The following TMEM39A variants were observed in gnomAD, a reference collection of about 807,000 sequenced individuals.
The protein encoded by TMEM39A is suppressor of SQST-1 aggregates in rpl-43 mutants.
A neutral mutation model predicts 51.9 loss-of-function variants in TMEM39A; 19 were observed. The ratio of observed to expected loss-of-function variants is 0.37; its 90% CI spans 0.26 to 0.54. The LOEUF (loss-of-function observed/expected upper bound fraction) is 0.54, where lower values mean the gene tolerates loss of function less well. TMEM39A is among the 20% of genes least tolerant of loss of function. The probability of loss-of-function intolerance (pLI) is 0.88; values close to 1 mark genes in which losing one functional copy is unlikely to be tolerated. For synonymous variants in TMEM39A, 197 were observed against 220.2 expected, an observed-to-expected ratio of 0.89 and a Z score of 0.93; for missense variants, 433 against 590.5, an observed-to-expected ratio of 0.73 and a Z score of 2.76.
intron 2 of TMEM39A, 53 bp downstream of exon 2, chr3:119,461,909 G>T: frequency 7.3e-7 from 1 of 1,361,072 alleles, no homozygotes; most frequent in Non-Finnish European, 1.0e-6. Flanking sequence ...TTTTATGTTA[G>T]TCTTACTGAT....
chr3:119,444,611 C>T (rs188681364), intron 5 of TMEM39A, among the ~76,000 whole-genome samples: 65 of 152,284 alleles, frequency 4.3e-4, no homozygotes, highest in African/African-American at 8.7e-4. Context: ...CATAAATTCA[C>T]GCTAACACTT....
In TMEM39A at chr3:119,436,961, G is replaced by A. The variant is rs1433369396; in HGVS notation, c.942C>T (p.Asp314=). 6 of 1,613,406 alleles carry A rather than the reference G, an allele frequency of 3.7e-6. No individual in the cohort carries two copies. In the Admixed American group the frequency reaches 5.0e-5, roughly 13 times the overall value. ...TGAGGTGCTCACATGACCAGCGCAT[G>A]TCATAGTACTGGGTACTCTGGAAGA... The part of the protein sequence containing the change: ...LCFVKSTQYY[D]MRWSCEHLIM... The change falls in exon 7 of 9, where the codon GAC becomes GAT. Residue 314 remains aspartate, a synonymous_variant. Coordinates refer to ENST00000319172, the MANE Select transcript of TMEM39A (RefSeq NM_018266.3).
At chr3:119,452,350 G>T in intron 4 of TMEM39A, 97 bp downstream of exon 4, 1 of 806,516 alleles carries the variant, frequency 1.2e-6, no homozygotes, top group Admixed American at 2.5e-5. Flanking sequence ...GTAATTTATT[G>T]TTTCATTAAA....
At chr3:119,447,209 A>T in intron 4 of TMEM39A, 37 bp from the exon 5 acceptor site, 1 of 1,595,526 alleles carries the variant, frequency 6.3e-7, no homozygotes, top group Non-Finnish European at 8.6e-7. Flanking sequence ...ACATTTTGTA[A>T]ATGATCTTCT....
At chr3:119,440,405 G>C (rs936945121) in intron 5 of TMEM39A, among the ~76,000 whole-genome samples, 1 of 152,130 alleles carries the variant, frequency 6.6e-6, no homozygotes, top group East Asian at 1.9e-4. Flanking sequence ...ATTTCCCATT[G>C]TGAAAATCAT....
chr3:119,461,846 C>A, intron 2 of TMEM39A, 116 bp downstream of exon 2: 1 of 819,218 alleles, frequency 1.2e-6, no homozygotes, highest in South Asian at 2.3e-5. Context: ...AGGATTTCTA[C>A]CACAGTGTCA....
At chr3:119,454,306 C>A (rs1166941151) in intron 3 of TMEM39A, among the ~76,000 whole-genome samples, 1 of 152,100 alleles carries the variant, frequency 6.6e-6, no homozygotes, top group East Asian at 1.9e-4. Flanking sequence ...GAGTGGCTTG[C>A]CACTCCTTAG....
rs1456240680 is a variant in TMEM39A at position 119,430,593 on chromosome 3, G to A, written c.*1388C>T. The A allele has an allele frequency of 6.6e-6, 1 of 151,912 alleles. No individual in the cohort carries two copies. Among genetic ancestry groups the A allele is most frequent in the Non-Finnish European group, 1.5e-5 (1 of 67,966 alleles). 9.4% of individuals were successfully genotyped at this position (151,912 alleles called of 1,614,324 possible). On this transcript the variant is annotated 3_prime_UTR_variant, in exon 9 of 9. Coordinates refer to ENST00000319172, the MANE Select transcript of TMEM39A (RefSeq NM_018266.3). ...ATGGTTGAACAGACTCAGACTGAAT[G>A]CCAAATAATGTTAACTTAAAAAAAA...
intron 2 of TMEM39A, among the ~76,000 whole-genome samples, chr3:119,461,066 A>T (rs1447199730): frequency 6.6e-6 from 1 of 152,198 alleles, no homozygotes; most frequent in African/African-American, 2.4e-5. Context: ...TGCAAACAGT[A>T]CCATCATTTT....
At chr3:119,453,761 T>C (rs1278381343) in intron 3 of TMEM39A, among the ~76,000 whole-genome samples, 2 of 152,244 alleles carry the variant, frequency 1.3e-5, no homozygotes, top group Non-Finnish European at 2.9e-5. Context: ...GGAAATAAGT[T>C]TCTATTTTGT....
chr3:119,458,740 C>T (rs553556575), intron 2 of TMEM39A, among the ~76,000 whole-genome samples: 1 of 152,112 alleles, frequency 6.6e-6, no homozygotes, highest in Non-Finnish European at 1.5e-5. Context: ...ACTAAAAATA[C>T]AAAAATTAGC....
intron 5 of TMEM39A, 63 bp from the exon 6 acceptor site, chr3:119,438,166 C>T (rs997300994): frequency 1.1e-5 from 14 of 1,294,944 alleles, no homozygotes; most frequent in Admixed American, 4.5e-5. Context: ...TTATAACTTA[C>T]GTCAATATAA....
chr3:119,462,006 A>C lies in TMEM39A; in HGVS notation c.69T>G (p.Thr23=). The part of the protein sequence containing the change: ...LSRSALPSLQ[T]LVGGGCGNGT... ...CATTGCCACAGCCTCCACCAACCAA[A>C]GTCTGCAAAGAAGGTAAAGCTGAAC... The change falls in exon 2 of 9, where the codon ACT becomes ACG. Residue 23 remains threonine (T), a synonymous_variant. Coordinates refer to ENST00000319172, the MANE Select transcript of TMEM39A (RefSeq NM_018266.3). The C allele has an allele frequency of 6.2e-7, 1 of 1,614,136 alleles. No individual in the cohort carries two copies. The highest frequency in any genetic ancestry group is 2.2e-5 in the East Asian group (1 of 44,882).
chr3:119,445,289 T>C (rs1029053494), intron 5 of TMEM39A, among the ~76,000 whole-genome samples: 2 of 152,200 alleles, frequency 1.3e-5, no homozygotes, highest in African/African-American at 4.8e-5. Flanking sequence ...AGACAGAGTC[T>C]TGCTCGTCGC....
At chr3:119,447,312 TC>T in intron 4 of TMEM39A, 140 bp from the exon 5 acceptor site, 1 of 755,362 alleles carries the variant, frequency 1.3e-6, no homozygotes, top group Non-Finnish European at 2.0e-6. Flanking sequence ...AACTGCCCCA[TC>T]CCACCTTATC....
At chr3:119,444,971 T>C (rs1460034435) in intron 5 of TMEM39A, among the ~76,000 whole-genome samples, 1 of 152,110 alleles carries the variant, frequency 6.6e-6, no homozygotes, top group Non-Finnish European at 1.5e-5. Flanking sequence ...TCCCAACTAC[T>C]TGGGAGGCTG....
intron 7 of TMEM39A, 98 bp from the exon 8 acceptor site, chr3:119,434,980 T>C (rs1478934188): frequency 2.7e-6 from 4 of 1,486,140 alleles, no homozygotes; most frequent in Non-Finnish European, 3.6e-6. Context: ...AATTAAATAA[T>C]CAAGGCTTCA....
intron 2 of TMEM39A, among the ~76,000 whole-genome samples, chr3:119,459,682 T>C (rs575943261): frequency 3.9e-5 from 6 of 152,310 alleles, no homozygotes; most frequent in East Asian, 3.9e-4. Flanking sequence ...AATTTCAACC[T>C]TGACTGTGTT....
chr3:119,445,457 G>C (rs575817014), intron 5 of TMEM39A, among the ~76,000 whole-genome samples: 3 of 152,312 alleles, frequency 2.0e-5, no homozygotes, highest in South Asian at 4.1e-4. Context: ...TAGAGACGGG[G>C]TTTCGCCATG....
Sources: gnomAD v4.1 joint callset for allele counts (sites outside exome capture counted in the v4.1 genomes callset) on GRCh38, gnomAD v4.1.1 for gene constraint, MANE v1.5 for transcripts, NCBI Gene and HGNC (gene_info 2026-07-23, HGNC 2026-07-21) for gene names.